The following PDE6D variants were observed in gnomAD, a reference collection of about 807,000 sequenced individuals.
PDE6D encodes the protein retinal rod rhodopsin-sensitive cGMP 3',5'-cyclic phosphodiesterase subunit delta.
A neutral mutation model predicts 21.9 loss-of-function variants in PDE6D; 10 were observed. The observed-to-expected ratio is 0.46, with a 90% CI of 0.28 to 0.78. The LOEUF is 0.78. Among genes scored for constraint, PDE6D ranks in the 30% least tolerant of loss-of-function variants. The pLI, the probability that PDE6D is intolerant of heterozygous loss-of-function variation, is 0.12. For synonymous variants in PDE6D, 59 were observed against 63.5 expected, an observed-to-expected ratio of 0.93 and a Z score of 0.34; for missense variants, 139 against 184.8, an observed-to-expected ratio of 0.75 and a Z score of 1.44.
intron 1 of PDE6D, among the ~76,000 whole-genome samples, chr2:231,774,904 T>A (rs185300482): frequency 2.0e-3 from 305 of 150,310 alleles, no homozygotes; most frequent in African/African-American, 7.1e-3. Flanking sequence ...TTTTTTTTTT[T>A]AATAAATTTT....
intron 1 of PDE6D, among the ~76,000 whole-genome samples, chr2:231,780,847 C>G (rs1277952967): frequency 6.6e-6 from 1 of 152,204 alleles, no homozygotes; most frequent in Non-Finnish European, 1.5e-5. Context: ...CACCCCCCGG[C>G]GCTCCCGTCA....
At chr2:231,770,674 C>T (rs762738025) in intron 1 of PDE6D, among the ~76,000 whole-genome samples, 3 of 151,894 alleles carry the variant, frequency 2.0e-5, no homozygotes, top group Non-Finnish European at 4.4e-5. Context: ...AAAAATTGGC[C>T]GGGTATGGTG....
rs1157734125 is a variant in PDE6D, at chr2:231,738,919, CAAAAAAAAAAAAA to C, written c.139+168_139+180del. On this transcript the variant is annotated intron_variant, in intron 2 of 4. Coordinates refer to ENST00000287600, the MANE Select transcript of PDE6D (RefSeq NM_002601.4). ...TGGGTGATAGAGCAAGACTGTGTCT[CAAAAAAAAAAAAA>C]AAAAAAAAAAAAGAAAGTAACTGAA... is the stretch of plus-strand genomic sequence containing the variant. Among the ~76,000 whole-genome samples, 7 of 62,658 alleles carry C rather than the reference CAAAAAAAAAAAAA, an allele frequency of 1.1e-4. No homozygotes were observed. In the East Asian group the frequency reaches 2.6e-3, roughly 23 times the overall value. The allele number at this position is 62,658 out of a possible 152,430, so 41.1% of individuals were successfully genotyped here.
chr2:231,737,327 G>A (rs772737194), intron 3 of PDE6D, 35 bp from the exon 4 acceptor site: 1 of 1,174,288 alleles, frequency 8.5e-7, no homozygotes, highest in Non-Finnish European at 1.3e-6. Context: ...GTGAGCAGGT[G>A]CCCCAGTATA....
intron 1 of PDE6D, among the ~76,000 whole-genome samples, chr2:231,774,734 G>T (rs2049041005): frequency 6.6e-6 from 1 of 151,690 alleles, no homozygotes; most frequent in East Asian, 1.9e-4. Context: ...TGGGATTACA[G>T]CTGTCCACAC....
chr2:231,760,021 C>T (rs185910095), intron 1 of PDE6D, among the ~76,000 whole-genome samples: 111 of 152,300 alleles, frequency 7.3e-4, no homozygotes, highest in Non-Finnish European at 1.2e-3. Flanking sequence ...TAAGTCACTA[C>T]CAGACTTTTA....
chr2:231,779,615 A>G (rs1053511853), intron 1 of PDE6D: 2 of 151,958 alleles, frequency 1.3e-5, no homozygotes, highest in African/African-American at 2.4e-5. Flanking sequence ...AGTCATCCCT[A>G]TATACCTATT....
chr2:231,736,346 G>C (rs2048702715), intron 4 of PDE6D, among the ~76,000 whole-genome samples: 1 of 151,828 alleles, frequency 6.6e-6, no homozygotes, highest in East Asian at 1.9e-4. Flanking sequence ...TAGAGTCTTG[G>C]TCTGCTACCC....
chr2:231,736,406 T>C (rs1162863748), intron 4 of PDE6D, among the ~76,000 whole-genome samples: 2 of 152,118 alleles, frequency 1.3e-5, no homozygotes, highest in Non-Finnish European at 2.9e-5. Flanking sequence ...CTCCACCTCC[T>C]GGGTTCAAGC....
At chr2:231,742,183 A>T (rs2048754866) in intron 1 of PDE6D, among the ~76,000 whole-genome samples, 1 of 151,692 alleles carries the variant, frequency 6.6e-6, no homozygotes, top group Non-Finnish European at 1.5e-5. Context: ...GTGCAATGGC[A>T]TGATCTTGGC....
chr2:231,732,609 G>T lies in PDE6D; in HGVS notation c.*343C>A, dbSNP rs960858243. 1.5e-4 allele frequency: 27 copies of T among 181,544 alleles called. No individual in the cohort carries two copies. Among genetic ancestry groups the T allele is most frequent in the Non-Finnish European group, 2.3e-5 (2 of 87,866 alleles). 11.2% of individuals were successfully genotyped at this position (181,544 alleles called of 1,614,324 possible). A position where few individuals can be genotyped will look rare whatever the true frequency, so the allele number is the denominator to read the frequency against. On this transcript the variant is annotated 3_prime_UTR_variant, in exon 5 of 5. Transcript: ENST00000287600. ...ACCAGGGGCCAAAGGTAGATGTGTA[G>T]CCTGTAGGGCCCAAGGAGGAGACAA...
At chr2:231,743,968 A>G (rs1203603031) in intron 1 of PDE6D, among the ~76,000 whole-genome samples, 1 of 152,220 alleles carries the variant, frequency 6.6e-6, no homozygotes, top group East Asian at 1.9e-4. Flanking sequence ...ACCTTCTCTG[A>G]ACAAGCTTTT....
At chr2:231,772,401 G>T (rs1419899690) in intron 1 of PDE6D, among the ~76,000 whole-genome samples, 1 of 152,210 alleles carries the variant, frequency 6.6e-6, no homozygotes, top group Non-Finnish European at 1.5e-5. Context: ...ATATTGGACT[G>T]TAAGAAATAT....
intron 1 of PDE6D, among the ~76,000 whole-genome samples, chr2:231,740,793 G>A (rs187599030): frequency 2.2e-3 from 336 of 151,602 alleles, no homozygotes; most frequent in Non-Finnish European, 3.5e-3. Flanking sequence ...GTAGAACAGA[G>A]AGAACAGAGG....
Position 231,761,956 on chromosome 2 carries a change from G to A in PDE6D, c.50+19109C>T, listed in dbSNP as rs115853556. The stretch of plus-strand genomic sequence containing the variant: ...GCAGGGTCCTGGGTATCTTTGTGAC[G>A]ACATTCCTCCAGGGCTAGAAGAGCT... On this transcript the variant is annotated intron_variant, in intron 1 of 4. Transcript: ENST00000287600. 5.5e-3 allele frequency among the ~76,000 whole-genome samples: 840 copies of A among 152,242 alleles called. 12 individuals carry two copies. The highest frequency in any genetic ancestry group is 0.02 in the Middle Eastern group (6 of 294).
chr2:231,777,918 G>A (rs1273385797), intron 1 of PDE6D, among the ~76,000 whole-genome samples: 1 of 152,174 alleles, frequency 6.6e-6, no homozygotes, highest in East Asian at 1.9e-4. Flanking sequence ...TTAATCTTGG[G>A]ATAAGAAAGA....
chr2:231,766,258 C>G (rs2048970100), intron 1 of PDE6D, among the ~76,000 whole-genome samples: 1 of 152,180 alleles, frequency 6.6e-6, no homozygotes, highest in Non-Finnish European at 1.5e-5. Context: ...GCCTGGGAAA[C>G]AGTGGAGGCA....
At chr2:231,742,506 T>G (rs893504027) in intron 1 of PDE6D, among the ~76,000 whole-genome samples, 1 of 152,210 alleles carries the variant, frequency 6.6e-6, no homozygotes, top group Non-Finnish European at 1.5e-5. Context: ...AGGTTTTTTT[T>G]GTTTTGTTTT....
Position 231,739,372 on chromosome 2 carries a change from G to A in PDE6D, c.51-184C>T. 1.4e-6 allele frequency: 1 copy of A among 718,682 alleles called. No individual in the cohort carries two copies. The highest frequency in any genetic ancestry group is 2.6e-6 in the Non-Finnish European group (1 of 389,094). The allele number at this position is 718,682 out of a possible 1,614,324, so 44.5% of individuals were successfully genotyped here. On this transcript the variant is annotated intron_variant, in intron 1 of 4. Coordinates refer to ENST00000287600, the MANE Select transcript of PDE6D (RefSeq NM_002601.4). This position sits in a 1 kb window ranked among gnomAD's most constrained non-coding sequence, Gnocchi z 4.2. ...AAAAAGACATCTAAAGGAAGAAGCA[G>A]AAACCTAGAGAAGTTACTTTTATCT...
Sources: allele counts gnomAD v4.1 joint callset (sites outside exome capture counted in the v4.1 genomes callset), GRCh38; gene constraint gnomAD v4.1.1; non-coding constraint Gnocchi (gnomAD v3.1); transcripts MANE v1.5; gene names NCBI Gene and HGNC (gene_info 2026-07-23, HGNC 2026-07-21).